Variants in CYB5RL observed in about 807,000 individuals in gnomAD.
CYB5RL encodes the protein cytochrome b5 reductase like, also known as NADH-cytochrome b5 reductase-like.
CYB5RL carries 38 observed loss-of-function variants against 37.5 expected under a neutral mutation model. The ratio of observed to expected loss-of-function variants is 1.01; its 90% CI spans 0.78 to 1.33. The LOEUF is 1.33. CYB5RL is among the 40% of genes most tolerant of loss of function. The pLI, the probability that CYB5RL is intolerant of heterozygous loss-of-function variation, is 0.00. For missense variants in CYB5RL, 388 were observed against 394.4 expected (o/e 0.98, Z 0.14); for synonymous variants, 141 against 151.9 (o/e 0.93, Z 0.53).
intron 1 of CYB5RL, among the ~76,000 whole-genome samples, chr1:54,199,657 T>A (rs1644056982): frequency 6.6e-6 from 1 of 151,894 alleles, no homozygotes; most frequent in Non-Finnish European, 1.5e-5. Context: ...AATTGGGAAA[T>A]CCAGAGGGAA....
In CYB5RL at chr1:54,195,588, T is replaced by A. The variant is rs746873782; in HGVS notation, c.29A>T (p.Asp10Val). The change falls in exon 3 of 8, where the codon GAC (aspartate) becomes GTC (valine). Residue 10 changes from aspartate (D) to valine (V), a missense_variant. Asp to Val is a radical substitution (Grantham distance 152). Coordinates refer to ENST00000534324, the MANE Select transcript of CYB5RL (RefSeq NM_001031672.4). ...TAGCTGCATCCAGGCTTCCTCAGTG[T>A]CGTCGTCCTCTTCCCTCTCAGCCAT... The part of the protein sequence containing the change: MMAEREEDD[D>V]TEEAWMQLRP... 6.2e-7 allele frequency: 1 copy of A among 1,612,458 alleles called. No individual in the cohort carries two copies. The highest frequency in any genetic ancestry group is 8.5e-7 in the Non-Finnish European group (1 of 1,178,890).
At chr1:54,188,634 C>G (rs546250824) in intron 4 of CYB5RL, among the ~76,000 whole-genome samples, 1 of 152,262 alleles carries the variant, frequency 6.6e-6, no homozygotes, top group Admixed American at 6.5e-5. Context: ...TCTCATTTAA[C>G]TCAAACAACA....
At chr1:54,182,663 C>T (rs1660196048) in intron 6 of CYB5RL, among the ~76,000 whole-genome samples, 1 of 152,168 alleles carries the variant, frequency 6.6e-6, no homozygotes, top group Admixed American at 6.5e-5. Flanking sequence ...GATTCTCATG[C>T]CTCGGCCTCC....
chr1:54,177,662 G>A (rs1660053067), intron 7 of CYB5RL, among the ~76,000 whole-genome samples: 1 of 152,210 alleles, frequency 6.6e-6, no homozygotes, highest in South Asian at 2.1e-4. Context: ...TTCCACATCT[G>A]TACAAGGAGC....
chr1:54,194,823 T>A (rs1021181890), intron 3 of CYB5RL, among the ~76,000 whole-genome samples: 1 of 152,164 alleles, frequency 6.6e-6, no homozygotes, highest in Non-Finnish European at 1.5e-5. Flanking sequence ...TCAGAAGGAA[T>A]AGGTCCTCAG....
intron 4 of CYB5RL, 83 bp from the exon 5 acceptor site, chr1:54,187,822 TC>T: frequency 8.0e-7 from 1 of 1,242,960 alleles, no homozygotes; most frequent in Non-Finnish European, 1.2e-6. Context: ...ATGTCTGTAA[TC>T]CCCACACTTT....
In CYB5RL at chr1:54,179,244, C is replaced by G. The variant is rs369139472; in HGVS notation, c.649G>C (p.Gly217Arg). Residue 217 changes from glycine (G) to arginine (R), a missense_variant, in exon 7 of 8, where the codon GGT (glycine) becomes CGT (arginine). Transcript: ENST00000534324. ...ENDETFVTLV[G>R]CFKTFESIYL... ...ATGCTCTCAAAGGTCTTGAAGCAACCGACCAGAGTGACAAAAGTCTCGTCA... is the reference window on the plus strand; with the variant it reads ...ATGCTCTCAAAGGTCTTGAAGCAACGGACCAGAGTGACAAAAGTCTCGTCA... The G allele has an allele frequency of 6.2e-7, 1 of 1,613,756 alleles. No individual in the cohort carries two copies. The highest frequency in any genetic ancestry group is 2.2e-5 in the East Asian group (1 of 44,872).
intron 4 of CYB5RL, among the ~76,000 whole-genome samples, chr1:54,190,231 G>A (rs1182491247): frequency 6.6e-6 from 1 of 152,190 alleles, no homozygotes; most frequent in African/African-American, 2.4e-5. Context: ...CGTAACTCAG[G>A]AGCCAGGCTG....
At chr1:54,189,619 G>T (rs1570114453) in intron 4 of CYB5RL, among the ~76,000 whole-genome samples, 1 of 152,180 alleles carries the variant, frequency 6.6e-6, no homozygotes, top group Admixed American at 6.5e-5. Context: ...TGTGTGTTAG[G>T]GATGTCACCG....
intron 7 of CYB5RL, among the ~76,000 whole-genome samples, chr1:54,177,781 A>G (rs1323180129): frequency 6.6e-6 from 1 of 152,206 alleles, no homozygotes; most frequent in African/African-American, 2.4e-5. Flanking sequence ...AGTCCTTTTC[A>G]GCCGTCTCTG....
intron 7 of CYB5RL, among the ~76,000 whole-genome samples, chr1:54,177,112 C>T (rs1473064782): frequency 1.3e-5 from 2 of 152,140 alleles, no homozygotes; most frequent in Non-Finnish European, 2.9e-5. Flanking sequence ...AGGCATGGAC[C>T]TCATCCTGTG....
chr1:54,197,750 G>A (rs1174327636), intron 1 of CYB5RL, among the ~76,000 whole-genome samples: 3 of 152,008 alleles, frequency 2.0e-5, no homozygotes, highest in Non-Finnish European at 2.9e-5. Flanking sequence ...GGCTGGGTGC[G>A]GTGGCTCATT....
intron 1 of CYB5RL, among the ~76,000 whole-genome samples, 196 bp downstream of exon 1, chr1:54,199,780 C>A (rs1471819307): frequency 6.6e-6 from 1 of 152,204 alleles, no homozygotes; most frequent in Non-Finnish European, 1.5e-5. Context: ...AGGGACAGAG[C>A]GACAGAGGCG....
intron 6 of CYB5RL, among the ~76,000 whole-genome samples, chr1:54,180,545 A>G (rs538599995): frequency 6.6e-6 from 1 of 151,518 alleles, no homozygotes; most frequent in African/African-American, 2.4e-5. Context: ...CGGAGCTTGC[A>G]GTGAGCTGAG....
Position 54,195,499 on chromosome 1 carries a change from G to A in CYB5RL, c.118C>T (p.Leu40Phe), listed in dbSNP as rs765553666. The A allele has an allele frequency of 1.9e-5, 30 of 1,613,414 alleles. No individual in the cohort carries two copies. The highest frequency in any genetic ancestry group is 2.5e-5 in the Non-Finnish European group (30 of 1,179,690). The stretch of plus-strand genomic sequence containing the variant: ...CACCTTGCCAGATCTCGGTGATAGA[G>A]GTCAAACACACAGGGTGAGCAGCCA... ...GSGCSPCVFDLYHRDLARWEA... is the reference protein window; with the variant it reads ...GSGCSPCVFDFYHRDLARWEA... Residue 40 changes from leucine to phenylalanine, a missense_variant, in exon 3 of 8, where the codon CTC (leucine) becomes TTC (phenylalanine). Physicochemically the swap from Leu to Phe is conservative, Grantham distance 22. Transcript: ENST00000534324.
At chr1:54,175,178 GA>G (rs992534067) in intron 7 of CYB5RL, among the ~76,000 whole-genome samples, 1 of 152,210 alleles carries the variant, frequency 6.6e-6, no homozygotes, top group Non-Finnish European at 1.5e-5. Flanking sequence ...GGGTTTCCCA[GA>G]ATCTTTCCAA....
At position 54,187,682 on chromosome 1, in the gene CYB5RL, G is replaced by A. The variant is rs377742311; in HGVS notation, c.405C>T (p.Asn135=). The A allele has an allele frequency of 1.9e-5, 31 of 1,613,966 alleles. No individual in the cohort carries two copies. The East Asian group carries it at 2.0e-4, about 10-fold the overall frequency. The part of the protein sequence containing the change: ...QRAYTPISPA[N]AEGYFEVLIK... The stretch of plus-strand genomic sequence containing the variant: ...TTAACACTTCAAAGTATCCTTCTGC[G>A]TTGGCAGGGCTGATGGGCGTATAGG... The change falls in exon 5 of 8, where the codon AAC becomes AAT. Residue 135 remains asparagine (N), a synonymous_variant. Coordinates refer to ENST00000534324, the MANE Select transcript of CYB5RL (RefSeq NM_001031672.4).
intron 5 of CYB5RL, among the ~76,000 whole-genome samples, chr1:54,187,172 G>T (rs773237280): frequency 1.3e-5 from 2 of 152,010 alleles, no homozygotes; most frequent in Non-Finnish European, 2.9e-5. Flanking sequence ...AACCTACTTT[G>T]TTCATCTCAT....
chr1:54,176,063 G>C (rs1177362099), intron 7 of CYB5RL, among the ~76,000 whole-genome samples: 1 of 152,262 alleles, frequency 6.6e-6, no homozygotes, highest in Admixed American at 6.5e-5. Flanking sequence ...ACAAAGACAG[G>C]ATTGGTGGGG....
Sources: allele counts gnomAD v4.1 joint callset (sites outside exome capture counted in the v4.1 genomes callset), GRCh38; gene constraint gnomAD v4.1.1; transcripts MANE v1.5; gene names NCBI Gene and HGNC (gene_info 2026-07-23, HGNC 2026-07-21).